C6: variants seen among roughly 807,000 people sequenced by gnomAD.
C6 encodes the protein complement C6.
A neutral mutation model predicts 112.9 loss-of-function variants in C6; 101 were observed. That is an observed-to-expected ratio of 0.89 (90% confidence interval 0.76 to 1.06). C6 has a LOEUF of 1.06. Among genes scored for constraint, C6 ranks in the 50% least tolerant of loss-of-function variants. The pLI is 0.00. For synonymous variants in C6, 431 were observed against 384.1 expected (o/e 1.12, Z -1.43); for missense variants, 1,202 against 1,104.6 (o/e 1.09, Z -1.25).
chr5:41,218,518 T>C (rs139027153), upstream of C6, among the ~76,000 whole-genome samples: 21 of 152,318 alleles, frequency 1.4e-4, no homozygotes, highest in East Asian at 3.9e-3. Context: ...AACTATTGTG[T>C]CTTCTTAAAA....
chr5:41,214,693 T>G (rs929106010), upstream of C6, among the ~76,000 whole-genome samples: 1 of 152,170 alleles, frequency 6.6e-6, no homozygotes, highest in African/African-American at 2.4e-5. Flanking sequence ...GTCATTTAAT[T>G]TGCATATTTC....
intron 1 of C6, among the ~76,000 whole-genome samples, chr5:41,218,614 T>C (rs1480832086): frequency 1.3e-5 from 2 of 152,208 alleles, no homozygotes; most frequent in Non-Finnish European, 2.9e-5. Context: ...CAAAATTTAA[T>C]CCTGTAGGAC....
At chr5:41,160,420 T>C in intron 10 of C6, 53 bp from the exon 11 acceptor site, 2 of 1,356,272 alleles carry the variant, frequency 1.5e-6, no homozygotes, top group South Asian at 2.3e-5. Flanking sequence ...TGGTAATAGG[T>C]TGCCATTACT....
intron 1 of C6, among the ~76,000 whole-genome samples, chr5:41,253,275 T>C (rs1380565240): frequency 6.6e-6 from 1 of 152,020 alleles, no homozygotes; most frequent in Non-Finnish European, 1.5e-5. Context: ...TAATCCAACC[T>C]CTTGGGTGGT....
Position 41,161,829 on chromosome 5 carries a change from A to G in C6, c.1322T>C (p.Ile441Thr). 1 of 1,613,656 alleles carries G rather than the reference A, an allele frequency of 6.2e-7. No homozygotes were observed. The change falls in exon 10 of 18, where the codon ATA becomes ACA. Residue 441 changes from isoleucine (I) to threonine (T), a missense_variant. Physicochemically the swap from Ile to Thr is moderately conservative, Grantham distance 89. Transcript: ENST00000337836. ...GSFIQGAEKS[I>T]SLIRGGRSEY... ...ACTCCTTCCACCTCGAATCAGGGAT[A>G]TGGATTTCTCTGCTCCCTGTATAAA...
intron 15 of C6, among the ~76,000 whole-genome samples, chr5:41,152,470 G>A (rs1412831578): frequency 2.6e-5 from 4 of 152,148 alleles, no homozygotes; most frequent in Non-Finnish European, 5.9e-5. Context: ...GACCTCGTGA[G>A]CAAGTTAATT....
chr5:41,145,852 TCACTAC>T (rs1342867581), intron 17 of C6, among the ~76,000 whole-genome samples: 1 of 152,194 alleles, frequency 6.6e-6, no homozygotes, highest in Non-Finnish European at 1.5e-5. Flanking sequence ...AGGGCCATGG[TCACTAC>T]CCTTTTAGTA....
intron 1 of C6, among the ~76,000 whole-genome samples, chr5:41,226,705 A>G (rs372391116): frequency 3.7e-4 from 57 of 152,174 alleles, no homozygotes; most frequent in African/African-American, 1.3e-3. Context: ...AGATCACACA[A>G]TGTTTGTCTT....
In C6 at chr5:41,203,221, G is replaced by A. The variant is rs150931891; in HGVS notation, c.10C>T (p.Arg4Cys). ...AGCAGGATGAAGTACAAGACAGAGCGTCTGGCCATGCCTTGAGAGCCTCCA... is the reference window on the plus strand; with the variant it reads ...AGCAGGATGAAGTACAAGACAGAGCATCTGGCCATGCCTTGAGAGCCTCCA... Reference protein sequence around the residue: MARRSVLYFILLNA... With the variant: MARCSVLYFILLNA... The change falls in exon 2 of 18, where the codon CGC becomes TGC. Residue 4 changes from arginine (R) to cysteine (C), a missense_variant. Transcript: ENST00000337836. The A allele has an allele frequency of 9.2e-4, 1,478 of 1,614,094 alleles. 7 individuals carry two copies. The highest frequency in any genetic ancestry group is 7.3e-3 in the Middle Eastern group (44 of 6,060).
intron 17 of C6, among the ~76,000 whole-genome samples, chr5:41,148,370 G>A (rs557863506): frequency 1.3e-5 from 2 of 152,228 alleles, no homozygotes; most frequent in South Asian, 4.1e-4. Flanking sequence ...AGTATGCTCC[G>A]ATTTTATATT....
intron 1 of C6, among the ~76,000 whole-genome samples, chr5:41,258,038 A>G (rs534728677): frequency 6.6e-6 from 1 of 152,294 alleles, no homozygotes; most frequent in Non-Finnish European, 1.5e-5. Context: ...TTTACTTTTT[A>G]TGACTTAAAA....
intron 1 of C6, among the ~76,000 whole-genome samples, chr5:41,212,483 A>G (rs1752009446): frequency 6.6e-6 from 1 of 152,166 alleles, no homozygotes; most frequent in Non-Finnish European, 1.5e-5. Context: ...AATAAAAATA[A>G]TTACTTCTCT....
intron 1 of C6, among the ~76,000 whole-genome samples, chr5:41,204,937 G>A (rs965983074): frequency 3.3e-5 from 5 of 152,012 alleles, no homozygotes; most frequent in African/African-American, 1.2e-4. Flanking sequence ...CCAAAGTGCT[G>A]GGATTATCAG....
intron 3 of C6, 45 bp from the exon 4 acceptor site, chr5:41,199,957 G>T: frequency 6.2e-7 from 1 of 1,601,686 alleles, no homozygotes; most frequent in South Asian, 1.1e-5. Flanking sequence ...GCAGGGTCAA[G>T]GTCAAAATGT....
chr5:41,171,450 T>G (rs79303133), intron 9 of C6, among the ~76,000 whole-genome samples: 1 of 152,168 alleles, frequency 6.6e-6, no homozygotes, highest in Non-Finnish European at 1.5e-5. Context: ...CTATTAGATA[T>G]GAGTGAGAAC....
intron 17 of C6, among the ~76,000 whole-genome samples, chr5:41,145,242 TGTAAAC>T (rs1319152620): frequency 6.6e-6 from 1 of 152,214 alleles, no homozygotes; most frequent in Non-Finnish European, 1.5e-5. Flanking sequence ...ATTTTAGTGG[TGTAAAC>T]TTGTCATTTT....
intron 17 of C6, among the ~76,000 whole-genome samples, chr5:41,143,560 T>C (rs1259843643): frequency 1.3e-5 from 2 of 152,362 alleles, no homozygotes; most frequent in African/African-American, 2.4e-5. Context: ...TTACATGCTT[T>C]ATTTTTTTGA....
At chr5:41,222,941 C>G (rs1739270916) in intron 1 of C6, among the ~76,000 whole-genome samples, 1 of 152,078 alleles carries the variant, frequency 6.6e-6, no homozygotes, top group African/African-American at 2.4e-5. Context: ...TTCATTTAAC[C>G]AGAAACTTTC....
chr5:41,155,275 CATT>C (rs1481761196), intron 13 of C6, among the ~76,000 whole-genome samples, 171 bp from the exon 14 acceptor site: 1 of 152,166 alleles, frequency 6.6e-6, no homozygotes, highest in African/African-American at 2.4e-5. Flanking sequence ...CTGTTGCCAT[CATT>C]GTTTTTCTTC....
Sources: gnomAD v4.1 joint callset for allele counts (sites outside exome capture counted in the v4.1 genomes callset) on GRCh38, gnomAD v4.1.1 for gene constraint, MANE v1.5 for transcripts, NCBI Gene and HGNC (gene_info 2026-07-23, HGNC 2026-07-21) for gene names.